Variants in SEPTIN9 observed in about 807,000 individuals in gnomAD.
The protein encoded by SEPTIN9 is septin-9.
A neutral mutation model predicts 56.6 loss-of-function variants in SEPTIN9; 13 were observed. The observed-to-expected ratio is 0.23, with a 90% CI of 0.15 to 0.37. The LOEUF (loss-of-function observed/expected upper bound fraction) is 0.37. Ranked by LOEUF, SEPTIN9 falls within the 10% of genes least tolerant of loss-of-function variation. The probability of loss-of-function intolerance (pLI) is 1.00; values close to 1 mark genes in which losing one functional copy is unlikely to be tolerated. For missense variants in SEPTIN9, 650 were observed against 823.1 expected (o/e 0.79, Z 2.57); for synonymous variants, 332 against 334.1 (o/e 0.99, Z 0.07).
Position 77,436,122 on chromosome 17 carries a change from C to T in SEPTIN9, c.721+33419C>T, listed in dbSNP as rs978898161. Among the ~76,000 whole-genome samples, 2 of 152,130 alleles carry T rather than the reference C, an allele frequency of 1.3e-5. No individual in the cohort carries two copies. The highest frequency in any genetic ancestry group is 6.5e-5 in the Admixed American group (1 of 15,270). The stretch of plus-strand genomic sequence containing the variant: ...GCTCGGCGGCTGCCTTTCCACCCTG[C>T]GGGCCTGGTTGGGGAGTGTGAGGAT... On this transcript the variant is annotated intron_variant, in intron 3 of 11. Coordinates refer to ENST00000427177, the MANE Select transcript of SEPTIN9 (RefSeq NM_001113491.2). The surrounding 1 kb of genome is among the most constrained non-coding windows in gnomAD (Gnocchi z 4.4).
rs770432805 is a variant in SEPTIN9 at position 77,498,607 on chromosome 17, C to T, written c.1710C>T (p.Ser570=). The change falls in exon 12 of 12, where the codon AGC becomes AGT. Residue 570 remains serine (S), a synonymous_variant. Coordinates refer to ENST00000427177, the MANE Select transcript of SEPTIN9 (RefSeq NM_001113491.2). ...YRVKRLNEGS[S]AMANGMEEKE... is the part of the protein sequence containing the mutation. Reference sequence around the variant, plus strand: ...TGAAGCGCCTCAACGAGGGCAGCAGCGCCATGGCCAACGGCATGGAGGAGA... The same window carrying T: ...TGAAGCGCCTCAACGAGGGCAGCAGTGCCATGGCCAACGGCATGGAGGAGA... The T allele has an allele frequency of 1.6e-5, 25 of 1,610,054 alleles. No homozygotes were observed. The highest frequency in any genetic ancestry group is 1.7e-5 in the Admixed American group (1 of 59,736).
intron 3 of SEPTIN9, among the ~76,000 whole-genome samples, chr17:77,442,601 G>C (rs879550853): frequency 6.6e-6 from 1 of 150,536 alleles, no homozygotes; most frequent in Non-Finnish European, 1.5e-5. Flanking sequence ...GGCCGGGTGC[G>C]ATGGCTCACG....
At chr17:77,349,020 A>C (rs2033975021) in intron 2 of SEPTIN9, among the ~76,000 whole-genome samples, 2 of 152,144 alleles carry the variant, frequency 1.3e-5, no homozygotes, top group South Asian at 4.1e-4. Flanking sequence ...TTTGTAGTGC[A>C]GGTTTGCAGA....
At chr17:77,332,270 C>T (rs1484332539) in intron 2 of SEPTIN9, among the ~76,000 whole-genome samples, 2 of 149,758 alleles carry the variant, frequency 1.3e-5, no homozygotes, top group South Asian at 2.2e-4. Context: ...GAACAAAACC[C>T]TGTCTCAAAA....
intron 1 of SEPTIN9, chr17:77,281,865 G>T: frequency 2.4e-6 from 1 of 424,360 alleles, no homozygotes; most frequent in Non-Finnish European, 4.2e-6. Context: ...GGGTGCTTTG[G>T]GTCCCTGTGC....
Position 77,462,097 on chromosome 17 carries a change from C to T in SEPTIN9, c.722-20047C>T, listed in dbSNP as rs8075140. 3.5e-3 allele frequency among the ~76,000 whole-genome samples: 533 copies of T among 152,196 alleles called. 3 individuals are homozygous for T. The highest frequency in any genetic ancestry group is 0.012 in the African/African-American group (497 of 41,450). On this transcript the variant is annotated intron_variant, in intron 3 of 11. Coordinates refer to ENST00000427177, the MANE Select transcript of SEPTIN9 (RefSeq NM_001113491.2). ...CTGAGAAAAAACCCTTTCCTTCTATCGGTTTTGGATTCATTGGCTGGGACC... is the reference window on the plus strand; with the variant it reads ...CTGAGAAAAAACCCTTTCCTTCTATTGGTTTTGGATTCATTGGCTGGGACC...
intron 3 of SEPTIN9, among the ~76,000 whole-genome samples, chr17:77,481,143 AGGCGTCTTCCG>A (rs2039438230): frequency 6.6e-6 from 1 of 152,194 alleles, no homozygotes; most frequent in Non-Finnish European, 1.5e-5. Context: ...GGTCCTCAGC[AGGCGTCTTCCG>A]GGCGTCCGCC....
intron 2 of SEPTIN9, chr17:77,373,765 G>T (rs988647949): frequency 1.9e-5 from 17 of 915,288 alleles, no homozygotes; most frequent in Non-Finnish European, 2.6e-5. Flanking sequence ...GGGCACCCGC[G>T]TAGACCCTGC....
rs1484889911 is a variant in SEPTIN9, at chr17:77,433,307, T to C, written c.721+30604T>C. Among the ~76,000 whole-genome samples, 2 of 152,022 alleles carry C rather than the reference T, an allele frequency of 1.3e-5. No homozygotes were observed. The highest frequency in any genetic ancestry group is 2.9e-5 in the Non-Finnish European group (2 of 67,974). On this transcript the variant is annotated intron_variant, in intron 3 of 11. Coordinates refer to ENST00000427177, the MANE Select transcript of SEPTIN9 (RefSeq NM_001113491.2). This position sits in a 1 kb window ranked among gnomAD's most constrained non-coding sequence, Gnocchi z 6.4. ...GAGCCCCTCCATGCAGCCCCTTCAC[T>C]GGCCATTGCCTGAGACCCGACCTGG... is the stretch of plus-strand genomic sequence containing the variant.
chr17:77,320,032 T>C, intron 2 of SEPTIN9: 9 of 1,365,938 alleles, frequency 6.6e-6, no homozygotes, highest in Non-Finnish European at 8.5e-6. Flanking sequence ...GGGCCCTCTC[T>C]CCTGCCTCCT....
At chr17:77,482,449 C>A in intron 4 of SEPTIN9, 114 bp downstream of exon 4, 2 of 1,065,304 alleles carry the variant, frequency 1.9e-6, no homozygotes, top group Non-Finnish European at 2.8e-6. Flanking sequence ...GGGCAGCAAC[C>A]CTGACCTCAA....
chr17:77,454,622 G>C (rs1568081854), intron 3 of SEPTIN9, among the ~76,000 whole-genome samples: 1 of 152,206 alleles, frequency 6.6e-6, no homozygotes, highest in African/African-American at 2.4e-5. Flanking sequence ...TTGCTCCGGG[G>C]CCTGTAGAGC....
intron 2 of SEPTIN9, among the ~76,000 whole-genome samples, chr17:77,359,891 G>A (rs953530909): frequency 6.6e-6 from 1 of 152,118 alleles, no homozygotes; most frequent in Non-Finnish European, 1.5e-5. Context: ...CCGGGTGGGC[G>A]CAGTGGCTCA....
At position 77,309,731 on chromosome 17, in the gene SEPTIN9, T is replaced by G. The variant is rs1382792172; in HGVS notation, c.76+2534T>G. ...AACGCTTTGGTCAGCTCACACACTTTCTTTCCTTTTAAAAAAAAAATGGAA... is the reference window on the plus strand; with the variant it reads ...AACGCTTTGGTCAGCTCACACACTTGCTTTCCTTTTAAAAAAAAAATGGAA... On this transcript the variant is annotated intron_variant, in intron 2 of 11. Coordinates refer to ENST00000427177, the MANE Select transcript of SEPTIN9 (RefSeq NM_001113491.2). Among the ~76,000 whole-genome samples, 11 of 148,858 alleles carry G rather than the reference T, an allele frequency of 7.4e-5. No individual in the cohort carries two copies. In the South Asian group the frequency reaches 2.3e-3, roughly 31 times the overall value.
intron 2 of SEPTIN9, chr17:77,373,806 C>T: frequency 1.9e-6 from 1 of 530,818 alleles, no homozygotes; most frequent in Non-Finnish European, 3.0e-6. Flanking sequence ...GCTCGTTCTG[C>T]GCACTGCCGC....
chr17:77,424,154 C>T (rs8079522), intron 3 of SEPTIN9, among the ~76,000 whole-genome samples: 6,727 of 152,334 alleles, frequency 0.044, 464 homozygotes, highest in African/African-American at 0.15. Flanking sequence ...AAGCTTTATG[C>T]GCTTCATGGG....
At chr17:77,296,451 A>G (rs927006685) in intron 1 of SEPTIN9, among the ~76,000 whole-genome samples, 1 of 152,148 alleles carries the variant, frequency 6.6e-6, no homozygotes, top group Admixed American at 6.5e-5. Flanking sequence ...AGACAGAGAG[A>G]TAGAGACAGA....
intron 2 of SEPTIN9, among the ~76,000 whole-genome samples, chr17:77,396,550 G>C (rs1024654894): frequency 6.6e-6 from 1 of 150,912 alleles, no homozygotes; most frequent in African/African-American, 2.5e-5. Flanking sequence ...CCACTGTGAG[G>C]ATGGTGGCAG....
chr17:77,395,339 AAC>A (rs903553780), intron 2 of SEPTIN9, among the ~76,000 whole-genome samples: 8 of 152,076 alleles, frequency 5.3e-5, no homozygotes, highest in Non-Finnish European at 8.8e-5. Context: ...CATCCTGGCT[AAC>A]ACGGTGAAAT....
Sources: gnomAD v4.1 joint callset for allele counts (sites outside exome capture counted in the v4.1 genomes callset) on GRCh38, gnomAD v4.1.1 for gene constraint, Gnocchi (gnomAD v3.1) non-coding constraint, MANE v1.5 for transcripts, NCBI Gene and HGNC (gene_info 2026-07-23, HGNC 2026-07-21) for gene names.